Variants in PPP4R3A observed in about 807,000 individuals in gnomAD.
PPP4R3A encodes serine/threonine-protein phosphatase 4 regulatory subunit 3A.
PPP4R3A carries 15 observed loss-of-function variants against 91.7 expected under a neutral mutation model. That is an observed-to-expected ratio of 0.16 (90% CI 0.11 to 0.25). The LOEUF is 0.25. Among genes scored for constraint, PPP4R3A ranks in the 10% least tolerant of loss-of-function variants. The pLI, the probability that PPP4R3A is intolerant of heterozygous loss-of-function variation, is 1.00. For missense variants in PPP4R3A, 623 were observed against 998.4 expected (o/e 0.62, Z 5.07); for synonymous variants, 377 against 348.7 (o/e 1.08, Z -0.91).
intron 10 of PPP4R3A, among the ~76,000 whole-genome samples, chr14:91,469,659 C>T (rs1201487600): frequency 6.6e-6 from 1 of 152,166 alleles, no homozygotes; most frequent in Non-Finnish European, 1.5e-5. Flanking sequence ...ATATCTGCCT[C>T]CCAGGTTCAA....
intron 11 of PPP4R3A, among the ~76,000 whole-genome samples, chr14:91,464,887 A>C (rs1888383528): frequency 6.6e-6 from 1 of 152,182 alleles, no homozygotes. Context: ...GTTCCACCTC[A>C]CAGTTAACCA....
intron 10 of PPP4R3A, among the ~76,000 whole-genome samples, chr14:91,469,213 C>T (rs1294325815): frequency 2.6e-5 from 4 of 151,428 alleles, no homozygotes; most frequent in Non-Finnish European, 5.9e-5. Context: ...GAACACTAGG[C>T]ATAAATGGGT....
chr14:91,508,984 T>C (rs555371845), intron 1 of PPP4R3A, among the ~76,000 whole-genome samples: 32 of 152,300 alleles, frequency 2.1e-4, no homozygotes, highest in African/African-American at 7.5e-4. Flanking sequence ...AGATACAGTG[T>C]TGCCAAGCTT....
At chr14:91,482,548 C>T (rs894836169) in intron 3 of PPP4R3A, among the ~76,000 whole-genome samples, 5 of 152,080 alleles carry the variant, frequency 3.3e-5, no homozygotes, top group African/African-American at 1.2e-4. Context: ...TATCCCTGGC[C>T]CTCTTTTCCA....
intron 1 of PPP4R3A, among the ~76,000 whole-genome samples, chr14:91,494,600 C>T (rs376112271): frequency 2.6e-5 from 4 of 152,154 alleles, no homozygotes; most frequent in African/African-American, 4.8e-5. Flanking sequence ...CGGTGGCTCA[C>T]GCCTATAATA....
chr14:91,476,347 TA>T, intron 6 of PPP4R3A, 60 bp downstream of exon 6: 1 of 1,178,788 alleles, frequency 8.5e-7, no homozygotes, highest in Non-Finnish European at 1.2e-6. Context: ...CATGTAGCAT[TA>T]AAAATATTAA....
chr14:91,486,244 T>G (rs1232661233), intron 2 of PPP4R3A, among the ~76,000 whole-genome samples: 2 of 99,414 alleles, frequency 2.0e-5, no homozygotes, highest in African/African-American at 7.7e-5. Context: ...ATACATAGGT[T>G]TTTTTGTTTT....
intron 2 of PPP4R3A, among the ~76,000 whole-genome samples, chr14:91,486,663 T>C (rs1555436541): frequency 6.6e-6 from 1 of 151,990 alleles, no homozygotes; most frequent in South Asian, 2.1e-4. Flanking sequence ...CTCACGCCTG[T>C]AATCCCAGCA....
intron 4 of PPP4R3A, among the ~76,000 whole-genome samples, chr14:91,480,119 A>C (rs961560748): frequency 1.4e-4 from 22 of 152,196 alleles, no homozygotes; most frequent in Admixed American, 6.5e-5. Flanking sequence ...AATACCCTAA[A>C]ACACCAGATC....
At chr14:91,497,341 TACAC>T (rs10542688) in intron 1 of PPP4R3A, among the ~76,000 whole-genome samples, 9,722 of 148,400 alleles carry the variant, frequency 0.066, 336 homozygotes, top group Middle Eastern at 0.13. Flanking sequence ...ATCTTTTATT[TACAC>T]ACACACACAC....
At chr14:91,483,905 G>A (rs2140118896) in intron 3 of PPP4R3A, among the ~76,000 whole-genome samples, 1 of 152,320 alleles carries the variant, frequency 6.6e-6, no homozygotes, top group East Asian at 1.9e-4. Context: ...AGCCAGGCAT[G>A]ACAATGACAA....
At chr14:91,502,619 T>C (rs1336165337) in intron 1 of PPP4R3A, among the ~76,000 whole-genome samples, 1 of 152,180 alleles carries the variant, frequency 6.6e-6, no homozygotes, top group African/African-American at 2.4e-5. Flanking sequence ...ACAGTAGGGA[T>C]AGAGGCAGAC....
At chr14:91,460,289 G>A (rs926650463) in intron 14 of PPP4R3A, among the ~76,000 whole-genome samples, 2 of 151,950 alleles carry the variant, frequency 1.3e-5, no homozygotes, top group African/African-American at 4.8e-5. Context: ...CTGGGATTAC[G>A]GGCGTAAGCC....
At chr14:91,485,003 C>G (rs1318174660) in intron 3 of PPP4R3A, among the ~76,000 whole-genome samples, 1 of 151,934 alleles carries the variant, frequency 6.6e-6, no homozygotes, top group Non-Finnish European at 1.5e-5. Context: ...AACAGCCATA[C>G]TGCTCAAGAC....
intron 1 of PPP4R3A, among the ~76,000 whole-genome samples, chr14:91,508,413 T>C (rs1891547610): frequency 6.6e-6 from 1 of 152,190 alleles, no homozygotes; most frequent in Non-Finnish European, 1.5e-5. Context: ...TGAAATTAGT[T>C]TGCAATAATT....
chr14:91,481,423 C>T (rs1354620976), intron 4 of PPP4R3A, among the ~76,000 whole-genome samples, 153 bp downstream of exon 4: 1 of 152,122 alleles, frequency 6.6e-6, no homozygotes. Context: ...CTTCTGGTCT[C>T]GTATTATTAT....
chr14:91,507,496 AG>A (rs1345718034), intron 1 of PPP4R3A, among the ~76,000 whole-genome samples: 3 of 139,074 alleles, frequency 2.2e-5, no homozygotes, highest in African/African-American at 8.3e-5. Flanking sequence ...TATACTATAT[AG>A]AATATATGCT....
intron 1 of PPP4R3A, among the ~76,000 whole-genome samples, chr14:91,506,467 T>A (rs527244948): frequency 2.0e-5 from 3 of 152,204 alleles, no homozygotes; most frequent in Non-Finnish European, 4.4e-5. Flanking sequence ...TTATCCCTAT[T>A]TAGATGTGAC....
intron 9 of PPP4R3A, among the ~76,000 whole-genome samples, chr14:91,472,060 G>A (rs1888874497): frequency 1.2e-5 from 1 of 84,976 alleles, no homozygotes; most frequent in African/African-American, 5.3e-5. Context: ...GCAAGATTCT[G>A]TCTCCAAAAA....
Sources: gnomAD v4.1 joint callset for allele counts (sites outside exome capture counted in the v4.1 genomes callset) on GRCh38, gnomAD v4.1.1 for gene constraint, MANE v1.5 for transcripts, NCBI Gene and HGNC (gene_info 2026-07-23, HGNC 2026-07-21) for gene names.